Variants in ARFGEF2 observed in about 807,000 individuals in gnomAD.
ARFGEF2 encodes the protein brefeldin A-inhibited guanine nucleotide-exchange protein 2.
ARFGEF2 carries 74 observed loss-of-function variants against 219.9 expected under a neutral mutation model. The observed-to-expected ratio is 0.34, with a 90% CI of 0.28 to 0.41. The LOEUF (loss-of-function observed/expected upper bound fraction) is 0.41, where lower values mean the gene tolerates loss of function less well. ARFGEF2 is among the 10% of genes least tolerant of loss of function. The pLI, the probability that ARFGEF2 is intolerant of heterozygous loss-of-function variation, is 1.00. For missense variants in ARFGEF2, 1,743 were observed against 2,218.3 expected (o/e 0.79, Z 4.30); for synonymous variants, 733 against 799.2 (o/e 0.92, Z 1.40).
chr20:49,013,875 C>T lies in ARFGEF2; in HGVS notation c.4094C>T (p.Thr1365Ile), dbSNP rs369193549. The change falls in exon 30 of 39, where the codon ACC becomes ATC. Residue 1365 changes from threonine (T) to isoleucine (I), a missense_variant. Thr to Ile is a moderately conservative substitution (Grantham distance 89, BLOSUM62 -1). Coordinates refer to ENST00000371917, the MANE Select transcript of ARFGEF2 (RefSeq NM_006420.3). ...GAGATCATGAAGAGCTATGGCCACA[C>T]CTTTGAAAAGCACTGGTGGCAGGAC... ...MFEIMKSYGH[T>I]FEKHWWQDLF... 18 of 1,614,100 alleles carry T rather than the reference C, an allele frequency of 1.1e-5. No homozygotes were observed. The African/African-American group carries it at 2.4e-4, about 22-fold the overall frequency.
chr20:49,006,597 C>A (rs1253293092), intron 26 of ARFGEF2, among the ~76,000 whole-genome samples: 1 of 152,112 alleles, frequency 6.6e-6, no homozygotes. Context: ...GTAAGGGCAC[C>A]CTTAGGAAAA....
intron 3 of ARFGEF2, among the ~76,000 whole-genome samples, chr20:48,942,640 A>G (rs536956059): frequency 1.3e-5 from 2 of 151,828 alleles, no homozygotes; most frequent in African/African-American, 4.8e-5. Context: ...ACCCGCCACC[A>G]AGCCCGGCTA....
chr20:48,969,388 C>G (rs2091211146), intron 9 of ARFGEF2, 111 bp downstream of exon 9: 1 of 1,594,610 alleles, frequency 6.3e-7, no homozygotes, highest in Non-Finnish European at 8.6e-7. Flanking sequence ...GTCTCTTTGT[C>G]AGTGTAAGTG....
At chr20:48,951,521 G>A in intron 4 of ARFGEF2, 52 bp downstream of exon 4, 1 of 1,611,228 alleles carries the variant, frequency 6.2e-7, no homozygotes, top group Non-Finnish European at 8.5e-7. Context: ...GCAAGTCCCT[G>A]TGGGAATCTG....
At chr20:48,931,182 G>A (rs2090910942) in intron 1 of ARFGEF2, among the ~76,000 whole-genome samples, 1 of 152,230 alleles carries the variant, frequency 6.6e-6, no homozygotes, top group African/African-American at 2.4e-5. Context: ...CCGAAGGTTG[G>A]CTGTGGGAGG....
At chr20:48,969,440 G>A (rs1394171295) in intron 9 of ARFGEF2, among the ~76,000 whole-genome samples, 163 bp downstream of exon 9, 1 of 152,206 alleles carries the variant, frequency 6.6e-6, no homozygotes, top group Admixed American at 6.5e-5. Flanking sequence ...GCAGTCTCTA[G>A]AGTCCTTTCA....
chr20:49,001,337 G>T (rs1226224492), intron 25 of ARFGEF2, among the ~76,000 whole-genome samples: 1 of 152,122 alleles, frequency 6.6e-6, no homozygotes, highest in Non-Finnish European at 1.5e-5. Context: ...ACCGTGCCCG[G>T]CCCTCACTCT....
chr20:48,934,237 C>G (rs1345750277), intron 1 of ARFGEF2, among the ~76,000 whole-genome samples: 1 of 151,940 alleles, frequency 6.6e-6, no homozygotes, highest in Non-Finnish European at 1.5e-5. Context: ...CTGTCTCACA[C>G]CTGTATCTTT....
At chr20:48,960,852 C>G (rs1246362413) in intron 6 of ARFGEF2, among the ~76,000 whole-genome samples, 3 of 150,762 alleles carry the variant, frequency 2.0e-5, no homozygotes, top group African/African-American at 7.3e-5. Context: ...GAGGCCGAGG[C>G]AGGCAGATCA....
chr20:48,959,449 TTCCC>T (rs2091127302), intron 6 of ARFGEF2, among the ~76,000 whole-genome samples: 4 of 64,248 alleles, frequency 6.2e-5, no homozygotes, highest in South Asian at 1.8e-3. Flanking sequence ...CCGTCCCTCC[TTCCC>T]TCCCTCCCTC....
rs1380114663 is a variant in ARFGEF2 at position 49,033,784 on chromosome 20, T to C, written c.*585T>C. On this transcript the variant is annotated 3_prime_UTR_variant, in exon 39 of 39. Coordinates refer to ENST00000371917, the MANE Select transcript of ARFGEF2 (RefSeq NM_006420.3). Reference sequence around the variant, plus strand: ...GTTAATGTCTGAGTGATTTTTAAAGTATTTTACAAAAAGATATTGAAAATT... The same window carrying C: ...GTTAATGTCTGAGTGATTTTTAAAGCATTTTACAAAAAGATATTGAAAATT... The C allele has an allele frequency of 2.0e-5, 3 of 152,724 alleles. No homozygotes were observed. The highest frequency in any genetic ancestry group is 2.0e-4 in the Admixed American group (3 of 15,278). The allele number at this position is 152,724 out of a possible 1,614,324, so 9.5% of individuals were successfully genotyped here.
intron 25 of ARFGEF2, chr20:48,999,328 A>G: frequency 2.5e-6 from 1 of 399,286 alleles, no homozygotes; most frequent in South Asian, 1.8e-5. Context: ...AATAAACCAG[A>G]CTGAACTTCT....
chr20:48,985,562 T>C lies in ARFGEF2; in HGVS notation c.2225T>C (p.Ile742Thr). Residue 742 changes from isoleucine (I) to threonine (T), a missense_variant, in exon 16 of 39, where the codon ATT becomes ACT. By Grantham distance (89) the Ile-to-Thr change is moderately conservative. This residue lies in a region of ARFGEF2 where 666 missense variants were observed against 955.4 expected (regional missense o/e 0.70). Transcript: ENST00000371917. ...GFRLPGEAQKIDRLMEKFAAR... is the reference protein window; with the variant it reads ...GFRLPGEAQKTDRLMEKFAAR... ...CGCCTACCTGGAGAAGCCCAAAAGA[T>C]TGACCGATTAATGGAGAAGTTTGCC... The C allele has an allele frequency of 6.2e-7, 1 of 1,614,136 alleles. No homozygotes were observed. The highest frequency in any genetic ancestry group is 2.2e-5 in the East Asian group (1 of 44,888).
chr20:49,019,004 G>T lies in ARFGEF2; in HGVS notation c.4624+6G>T, dbSNP rs768990826. ...GAAGGGTAGACCATACGCAAGTAAGGCCACTTTTTAATTTGTTTTAAATAA... is the reference window on the plus strand; with the variant it reads ...GAAGGGTAGACCATACGCAAGTAAGTCCACTTTTTAATTTGTTTTAAATAA... On this transcript the variant is annotated splice_donor_region_variant and intron_variant, in intron 34 of 38. Transcript: ENST00000371917. 1.1e-5 allele frequency: 17 copies of T among 1,608,496 alleles called. No individual in the cohort carries two copies. The Admixed American group carries it at 2.8e-4, about 27-fold the overall frequency.
rs1341895102 is a variant in ARFGEF2 at position 48,951,265 on chromosome 20, G to A, written c.277-58G>A. ...GTCTTTTGCTCTTGTGGGCTGCCAC[G>A]GAAGGCCTCAGTCCTAGCCAAGCAG... is the stretch of plus-strand genomic sequence containing the variant. On this transcript the variant is annotated intron_variant, in intron 3 of 38. Transcript: ENST00000371917. 8.1e-6 allele frequency: 13 copies of A among 1,603,134 alleles called. 1 individual carries two copies. The South Asian group carries it at 1.0e-4, about 12-fold the overall frequency.
chr20:48,969,328 C>T, intron 9 of ARFGEF2, 51 bp downstream of exon 9: 1 of 1,613,540 alleles, frequency 6.2e-7, no homozygotes, highest in South Asian at 1.1e-5. Flanking sequence ...TCCAGCAGCA[C>T]ATGGTACTGT....
chr20:49,005,753 A>AAAAAAG, intron 26 of ARFGEF2, among the ~76,000 whole-genome samples: 1 of 151,302 alleles, frequency 6.6e-6, no homozygotes, highest in South Asian at 2.1e-4. Context: ...AAAAAAAAAA[A>AAAAAAG]AAAAAGAAAA....
chr20:48,970,467 G>A (rs1478965815), intron 9 of ARFGEF2, among the ~76,000 whole-genome samples: 1 of 151,676 alleles, frequency 6.6e-6, no homozygotes, highest in Non-Finnish European at 1.5e-5. Flanking sequence ...AAAATTAGCC[G>A]GGCATGGTGG....
At chr20:49,020,801 A>G (rs1285445551) in intron 34 of ARFGEF2, among the ~76,000 whole-genome samples, 2 of 152,080 alleles carry the variant, frequency 1.3e-5, no homozygotes, top group Admixed American at 6.6e-5. Context: ...GAGGCCAAGT[A>G]TACATTTCTT....
Sources: gnomAD v4.1 joint callset for allele counts (sites outside exome capture counted in the v4.1 genomes callset) on GRCh38, gnomAD v4.1.1 for gene constraint, gnomAD v4.1.1 regional missense constraint, MANE v1.5 for transcripts, NCBI Gene and HGNC (gene_info 2026-07-23, HGNC 2026-07-21) for gene names.